Variants in CSMD1 observed in about 807,000 individuals in gnomAD.
The protein encoded by CSMD1 is CUB and sushi domain-containing protein 1.
A neutral mutation model predicts 417.5 loss-of-function variants in CSMD1; 213 were observed. That is an observed-to-expected ratio of 0.51 (90% confidence interval 0.46 to 0.57). CSMD1 has a LOEUF of 0.57. CSMD1 is among the 20% of genes least tolerant of loss of function. CSMD1 has a pLI of 0.00. For synonymous variants in CSMD1, 2,862 were observed against 1,736.8 expected (o/e 1.65, Z -16.11); for missense variants, 6,923 against 4,529.7 (o/e 1.53, Z -15.17).
At position 4,278,866 on chromosome 8, in the gene CSMD1, G is replaced by C. The variant is rs192466276; in HGVS notation, c.415+141087C>G. Among the ~76,000 whole-genome samples the C allele has an allele frequency of 3.9e-4, 60 of 152,282 alleles. No individual in the cohort carries two copies. In the East Asian group the frequency reaches 4.4e-3, roughly 11 times the overall value. On this transcript the variant is annotated intron_variant, in intron 3 of 69. Transcript: ENST00000635120. ...ACTTTAAATTACATTCTCAATTGCAGTATGTATGTAATAAAGGGAGACTGC... is the reference window on the plus strand; with the variant it reads ...ACTTTAAATTACATTCTCAATTGCACTATGTATGTAATAAAGGGAGACTGC...
intron 2 of CSMD1, among the ~76,000 whole-genome samples, chr8:4,509,343 G>C (rs1488709854): frequency 6.6e-6 from 1 of 152,052 alleles, no homozygotes; most frequent in Admixed American, 6.6e-5. Context: ...GAAAAATAAA[G>C]CTTGATAACA....
intron 5 of CSMD1, among the ~76,000 whole-genome samples, chr8:3,834,414 AC>A (rs1802553723): frequency 6.6e-6 from 1 of 151,050 alleles, no homozygotes; most frequent in Non-Finnish European, 1.5e-5. Flanking sequence ...AACCCCAAAT[AC>A]CCCCTGGAAG....
At chr8:3,522,859 T>C (rs960762639) in intron 10 of CSMD1, among the ~76,000 whole-genome samples, 4 of 150,076 alleles carry the variant, frequency 2.7e-5, no homozygotes, top group Non-Finnish European at 4.4e-5. Flanking sequence ...TAATTATATA[T>C]TTAATGTAAA....
At position 3,473,856 on chromosome 8, in the gene CSMD1, C is replaced by A. The variant is rs142682841; in HGVS notation, c.1449-5032G>T. The stretch of plus-strand genomic sequence containing the variant: ...TTAACTGACTCGTATTTCCACATGG[C>A]TTGGGAGGCCTCAGGAAACTTACAA... On this transcript the variant is annotated intron_variant, in intron 11 of 69. Coordinates refer to ENST00000635120, the MANE Select transcript of CSMD1 (RefSeq NM_033225.6). Among the ~76,000 whole-genome samples the A allele has an allele frequency of 2.1e-4, 32 of 152,134 alleles. 1 individual carries two copies. The highest frequency in any genetic ancestry group is 1.0e-4 in the Non-Finnish European group (7 of 68,004).
intron 5 of CSMD1, among the ~76,000 whole-genome samples, chr8:3,765,952 G>T (rs1232404471): frequency 6.6e-6 from 1 of 152,218 alleles, no homozygotes; most frequent in African/African-American, 2.4e-5. Flanking sequence ...CTGGATGCCA[G>T]CAAATCAGGC....
intron 5 of CSMD1, among the ~76,000 whole-genome samples, chr8:3,860,865 C>G (rs931577980): frequency 2.6e-5 from 4 of 152,092 alleles, no homozygotes; most frequent in East Asian, 1.9e-4. Flanking sequence ...TGAAAAGATC[C>G]AAAGTTCACT....
At chr8:3,934,581 G>A (rs922226978) in intron 5 of CSMD1, among the ~76,000 whole-genome samples, 5 of 152,102 alleles carry the variant, frequency 3.3e-5, no homozygotes, top group African/African-American at 9.7e-5. Context: ...TTGGCCAGGC[G>A]CGGTGGCTGA....
chr8:4,297,650 G>T (rs1326626134), intron 3 of CSMD1, among the ~76,000 whole-genome samples: 3 of 152,030 alleles, frequency 2.0e-5, no homozygotes, highest in Non-Finnish European at 4.4e-5. Flanking sequence ...TTCACACTAG[G>T]GTTTGGATTT....
chr8:4,906,898 G>A (rs1016851970), intron 1 of CSMD1, among the ~76,000 whole-genome samples: 3 of 152,100 alleles, frequency 2.0e-5, no homozygotes, highest in South Asian at 2.1e-4. Flanking sequence ...TTCACAATGT[G>A]AGTAAATGTG....
intron 1 of CSMD1, among the ~76,000 whole-genome samples, chr8:4,762,753 G>C (rs74459264): frequency 6.6e-6 from 1 of 152,044 alleles, no homozygotes; most frequent in African/African-American, 2.4e-5. Flanking sequence ...CAGTGCTCCT[G>C]CAGCCTGAAT....
In CSMD1 at chr8:4,076,539, C is replaced by T. The variant is rs562573738; in HGVS notation, c.416-44440G>A. On this transcript the variant is annotated intron_variant, in intron 3 of 69. Transcript: ENST00000635120. Reference sequence around the variant, plus strand: ...GAACAAATAGAGCCAAAAACGAATACCTAAAACACAAATAGCTAAAAGAAA... The same window carrying T: ...GAACAAATAGAGCCAAAAACGAATATCTAAAACACAAATAGCTAAAAGAAA... Among the ~76,000 whole-genome samples the T allele has an allele frequency of 5.3e-5, 8 of 152,080 alleles. No homozygotes were observed. The South Asian group carries it at 1.5e-3, about 28-fold the overall frequency.
chr8:4,317,771 G>A (rs908611973), intron 3 of CSMD1, among the ~76,000 whole-genome samples: 37 of 152,176 alleles, frequency 2.4e-4, no homozygotes, highest in African/African-American at 8.0e-4. Flanking sequence ...CACTGCCCCA[G>A]AAGTTTTCTT....
intron 1 of CSMD1, among the ~76,000 whole-genome samples, chr8:4,780,659 C>T (rs999222894): frequency 6.6e-6 from 1 of 152,096 alleles, no homozygotes; most frequent in East Asian, 1.9e-4. Context: ...GATCCTGGTG[C>T]ACCCATCACC....
At chr8:4,966,563 A>C (rs945060439) in intron 1 of CSMD1, among the ~76,000 whole-genome samples, 15 of 152,186 alleles carry the variant, frequency 9.9e-5, no homozygotes, top group Non-Finnish European at 2.1e-4. Flanking sequence ...ACTGATGTGC[A>C]AGTGTCACAC....
At chr8:4,507,148 C>T (rs1802571897) in intron 2 of CSMD1, among the ~76,000 whole-genome samples, 1 of 152,124 alleles carries the variant, frequency 6.6e-6, no homozygotes, top group South Asian at 2.1e-4. Context: ...TTACATTCTT[C>T]CATATTTCTG....
At position 3,750,517 on chromosome 8, in the gene CSMD1, G is replaced by A. The variant is rs548959499; in HGVS notation, c.931+3413C>T. On this transcript the variant is annotated intron_variant, in intron 6 of 69. Transcript: ENST00000635120. ...ATCGACTATGCTTTTTTTTTGTTTC[G>A]CAATTTTTGTTGGCACAAATAATAT... Among the ~76,000 whole-genome samples, 19 of 150,550 alleles carry A rather than the reference G, an allele frequency of 1.3e-4. No individual in the cohort carries two copies. The South Asian group carries it at 3.1e-3, about 25-fold the overall frequency.
At chr8:4,165,697 C>T (rs765129968) in intron 3 of CSMD1, among the ~76,000 whole-genome samples, 1 of 152,174 alleles carries the variant, frequency 6.6e-6, no homozygotes, top group Non-Finnish European at 1.5e-5. Flanking sequence ...CCCATCACAC[C>T]CGGCCCAAGT....
chr8:3,776,257 C>T (rs952624725), intron 5 of CSMD1, among the ~76,000 whole-genome samples: 9 of 152,172 alleles, frequency 5.9e-5, no homozygotes, highest in African/African-American at 1.7e-4. Context: ...CTGCTTCTAT[C>T]CTCCCTGCTC....
intron 1 of CSMD1, among the ~76,000 whole-genome samples, chr8:4,650,670 A>G (rs1466241172): frequency 3.8e-4 from 57 of 151,960 alleles, no homozygotes; most frequent in Admixed American, 3.7e-3. Flanking sequence ...AAAAAAAAAG[A>G]TACAGCTTGT....
Sources: gnomAD v4.1 joint callset for allele counts (sites outside exome capture counted in the v4.1 genomes callset) on GRCh38, gnomAD v4.1.1 for gene constraint, MANE v1.5 for transcripts, NCBI Gene and HGNC (gene_info 2026-07-23, HGNC 2026-07-21) for gene names.